Variants in RNF135 observed in about 807,000 individuals in gnomAD.
The protein encoded by RNF135 is E3 ubiquitin-protein ligase RNF135.
A neutral mutation model predicts 41.9 loss-of-function variants in RNF135; 46 were observed. That is an observed-to-expected ratio of 1.10 (90% CI 0.87 to 1.40). RNF135 has a LOEUF of 1.40. Among genes scored for constraint, RNF135 ranks in the 40% most tolerant of loss-of-function variants. The pLI, the probability that RNF135 is intolerant of heterozygous loss-of-function variation, is 0.00. For missense variants in RNF135, 539 were observed against 549.8 expected, an observed-to-expected ratio of 0.98 and a Z score of 0.20; for synonymous variants, 238 against 223.8, an observed-to-expected ratio of 1.06 and a Z score of -0.57.
intron 1 of RNF135, among the ~76,000 whole-genome samples, chr17:30,983,573 C>T (rs993413984): frequency 2.2e-4 from 33 of 150,984 alleles, no homozygotes; most frequent in African/African-American, 7.8e-4. Context: ...AGGATGATCT[C>T]GAACTCTTGA....
chr17:30,983,358 T>A (rs1457266831), intron 1 of RNF135, among the ~76,000 whole-genome samples: 37 of 91,768 alleles, frequency 4.0e-4, no homozygotes, highest in Middle Eastern at 0.01. Flanking sequence ...TATATATTTT[T>A]TTTTTTTTTT....
intron 2 of RNF135, among the ~76,000 whole-genome samples, 184 bp from the exon 3 acceptor site, chr17:30,987,760 A>G (rs1192993295): frequency 7.4e-6 from 1 of 134,594 alleles, no homozygotes; most frequent in East Asian, 1.9e-4. Flanking sequence ...TTTTTGCTGT[A>G]CTATGTACAG....
chr17:30,994,625 CTT>C (rs1042612556), intron 3 of RNF135, among the ~76,000 whole-genome samples: 1 of 151,678 alleles, frequency 6.6e-6, no homozygotes, highest in African/African-American at 2.4e-5. Context: ...TTTTTTGTAA[CTT>C]TATTTTATTT....
chr17:30,979,240 A>ACCCCC (rs1167968050), intron 1 of RNF135: 10 of 70,332 alleles, frequency 1.4e-4, no homozygotes, highest in East Asian at 6.5e-4. Flanking sequence ...CGGGGGGCTG[A>ACCCCC]CCCCCCCCCC....
chr17:30,982,619 G>A (rs1907236575), intron 1 of RNF135, among the ~76,000 whole-genome samples: 1 of 152,082 alleles, frequency 6.6e-6, no homozygotes, highest in African/African-American at 2.4e-5. Context: ...GCTTTTTTGT[G>A]TAGTTGTTAA....
rs1905936422 is a variant in RNF135 at position 30,971,465 on chromosome 17, A to AGCTCCCCTG, written c.372+28_372+36dup. 2.0e-6 allele frequency: 3 copies of AGCTCCCCTG among 1,486,890 alleles called. No individual in the cohort carries two copies. The highest frequency in any genetic ancestry group is 2.7e-6 in the Non-Finnish European group (3 of 1,128,022). The allele number at this position is 1,486,890 out of a possible 1,614,324, so 92.1% of individuals were successfully genotyped here. A position where few individuals can be genotyped will look rare whatever the true frequency, so the allele number is the denominator to read the frequency against. ...CAGCGGGTAGGGAGGCCGGGCCCGCAGCTCCCCTGGCTCCCCCGGGCTGCC... is the reference window on the plus strand; with the variant it reads ...CAGCGGGTAGGGAGGCCGGGCCCGCAGCTCCCCTGGCTCCCCTGGCTCCCCCGGGCTGCC... On this transcript the variant is annotated intron_variant, in intron 1 of 4. Coordinates refer to ENST00000328381, the MANE Select transcript of RNF135 (RefSeq NM_032322.4).
chr17:30,972,913 C>T, intron 1 of RNF135: 1 of 152,366 alleles, frequency 6.6e-6, no homozygotes, highest in Non-Finnish European at 1.5e-5. Context: ...GTAGCTGGGA[C>T]TACAGGCATG....
Position 30,999,646 on chromosome 17 carries a change from G to A in RNF135, c.*455G>A, listed in dbSNP as rs937846784. Reference sequence around the variant, plus strand: ...AAGCTGAGGAGACTAAGTTAGCCATGTGGGCAGTGAAGCATGCCAATGTGA... The same window carrying A: ...AAGCTGAGGAGACTAAGTTAGCCATATGGGCAGTGAAGCATGCCAATGTGA... On this transcript the variant is annotated 3_prime_UTR_variant, in exon 5 of 5. Coordinates refer to ENST00000328381, the MANE Select transcript of RNF135 (RefSeq NM_032322.4). 1 of 188,206 alleles carries A rather than the reference G, an allele frequency of 5.3e-6. No homozygotes were observed. The highest frequency in any genetic ancestry group is 1.1e-5 in the Non-Finnish European group (1 of 88,058). The allele number at this position is 188,206 out of a possible 1,614,324, so 11.7% of individuals were successfully genotyped here. A position where few individuals can be genotyped will look rare whatever the true frequency, so the allele number is the denominator to read the frequency against.
intron 1 of RNF135, chr17:30,975,427 G>A: frequency 2.6e-6 from 2 of 771,870 alleles, no homozygotes; most frequent in Non-Finnish European, 4.8e-6. Flanking sequence ...AGGACCAGAT[G>A]CATTCACACA....
chr17:30,977,075 T>C (rs1906526225), intron 1 of RNF135, among the ~76,000 whole-genome samples: 1 of 152,222 alleles, frequency 6.6e-6, no homozygotes, highest in Non-Finnish European at 1.5e-5. Context: ...ATGATTTAGT[T>C]TCTTGCTTTT....
chr17:30,990,310 G>A (rs1382003936), intron 3 of RNF135, among the ~76,000 whole-genome samples: 1 of 151,662 alleles, frequency 6.6e-6, no homozygotes. Context: ...ATCACCTGAG[G>A]TCAGGAGTTC....
chr17:30,999,291 T>C lies in RNF135; in HGVS notation c.*100T>C. The C allele has an allele frequency of 3.8e-6, 5 of 1,331,068 alleles. No homozygotes were observed. Among genetic ancestry groups the C allele is most frequent in the Non-Finnish European group, 5.3e-6 (5 of 952,032 alleles). 82.5% of individuals were successfully genotyped at this position (1,331,068 alleles called of 1,614,324 possible). On this transcript the variant is annotated 3_prime_UTR_variant, in exon 5 of 5. Coordinates refer to ENST00000328381, the MANE Select transcript of RNF135 (RefSeq NM_032322.4). ...TAAGAATACCACTTTTTAGAAAAAT[T>C]ACGATAGAGATGGGATCTCACTAGG...
At chr17:30,975,171 AAAG>A (rs1296512613) in intron 1 of RNF135, among the ~76,000 whole-genome samples, 17 of 151,930 alleles carry the variant, frequency 1.1e-4, no homozygotes, top group Admixed American at 1.1e-3. Flanking sequence ...AAAAAAGAAA[AAAG>A]AAGCTGGGTG....
intron 3 of RNF135, among the ~76,000 whole-genome samples, chr17:30,996,974 G>A (rs900428635): frequency 6.6e-6 from 1 of 152,158 alleles, no homozygotes; most frequent in South Asian, 2.1e-4. Flanking sequence ...ATGGGGCTTG[G>A]TGCTTAGAAC....
At chr17:30,989,824 A>C (rs1213364968) in intron 3 of RNF135, among the ~76,000 whole-genome samples, 1 of 151,880 alleles carries the variant, frequency 6.6e-6, no homozygotes, top group Non-Finnish European at 1.5e-5. Flanking sequence ...ACCTGGCGAA[A>C]CCCTGTCTCT....
chr17:30,971,029 C>T (rs1374042188), upstream of RNF135: 9 of 1,532,792 alleles, frequency 5.9e-6, no homozygotes, highest in Non-Finnish European at 7.0e-6. Flanking sequence ...TGAGGAGACT[C>T]GCCCGGCTCA....
chr17:30,999,124 AC>A lies in RNF135; in HGVS notation c.1235del (p.Pro412LeufsTer14), dbSNP rs1908573268. 3 of 1,614,048 alleles carry A rather than the reference AC, an allele frequency of 1.9e-6. No homozygotes were observed. Among genetic ancestry groups the A allele is most frequent in the Middle Eastern group, 1.7e-4 (1 of 6,060 alleles). ...ACCATCTCTGCCTCCTCTCCTTTGTACCCTGCCTTCTGGCTGTATGGCTTAC... is the reference window on the plus strand; with the variant it reads ...ACCATCTCTGCCTCCTCTCCTTTGTACCTGCCTTCTGGCTGTATGGCTTAC... ...ECTISASSPL[Y>X]PAFWLYGLHP... On this transcript the variant is annotated frameshift_variant, in exon 5 of 5. Transcript: ENST00000328381. LOFTEE classifies it high-confidence loss of function.
chr17:30,971,250 C>A lies in RNF135; in HGVS notation c.177C>A (p.Cys59Ter). Residue 59 changes from cysteine (C) to a stop codon, truncating the protein, a stop_gained, in exon 1 of 5, where the codon TGC becomes TGA. Transcript: ENST00000328381. LOFTEE classifies it high-confidence loss of function. ...WGARDARRWACPTCRQGAAQQ... is the reference protein window; with the variant it reads ...WGARDARRWA ...CCCGCGACGCCCGCCGCTGGGCCTG[C>A]CCCACTTGCCGCCAGGGCGCCGCGC... 1 of 1,521,668 alleles carries A rather than the reference C, an allele frequency of 6.6e-7. No homozygotes were observed. The highest frequency in any genetic ancestry group is 8.8e-7 in the Non-Finnish European group (1 of 1,139,990). The allele number at this position is 1,521,668 out of a possible 1,614,324, so 94.3% of individuals were successfully genotyped here.
upstream of RNF135, among the ~76,000 whole-genome samples, chr17:30,968,343 C>G (rs535968849): frequency 6.6e-6 from 1 of 150,686 alleles, no homozygotes; most frequent in East Asian, 1.9e-4. Flanking sequence ...TATATTTTTA[C>G]TACCAGAGCT....
Sources: gnomAD v4.1 joint callset for allele counts (sites outside exome capture counted in the v4.1 genomes callset) on GRCh38, gnomAD v4.1.1 for gene constraint, MANE v1.5 for transcripts, NCBI Gene and HGNC (gene_info 2026-07-23, HGNC 2026-07-21) for gene names.